CSMD3: variants seen among roughly 807,000 people sequenced by gnomAD.
The protein encoded by CSMD3 is CUB and Sushi multiple domains 3, also known as CUB and sushi domain-containing protein 3.
Under a neutral mutation model 435.2 loss-of-function variants are expected in CSMD3, and 177 were observed. The ratio of observed to expected loss-of-function variants is 0.41; its 90% CI spans 0.36 to 0.46. CSMD3 has a LOEUF of 0.46. Ranked by LOEUF, CSMD3 falls within the 20% of genes least tolerant of loss-of-function variation. The pLI is 0.34. For missense variants in CSMD3, 4,265 were observed against 4,504.6 expected, an observed-to-expected ratio of 0.95 and a Z score of 1.52; for synonymous variants, 1,656 against 1,520.5, an observed-to-expected ratio of 1.09 and a Z score of -2.07.
intron 50 of CSMD3, among the ~76,000 whole-genome samples, chr8:112,308,006 T>C (rs986483723): frequency 2.6e-4 from 39 of 152,302 alleles, no homozygotes; most frequent in Non-Finnish European, 4.1e-4. Flanking sequence ...TTTACAAAAC[T>C]GTCAAAACTG....
At chr8:112,605,524 G>C (rs1832721033) in intron 22 of CSMD3, among the ~76,000 whole-genome samples, 1 of 151,566 alleles carries the variant, frequency 6.6e-6, no homozygotes. Context: ...ATTAATGCAG[G>C]AACAGAAAGC....
At chr8:113,283,542 C>G (rs2093626571) in intron 2 of CSMD3, among the ~76,000 whole-genome samples, 1 of 152,136 alleles carries the variant, frequency 6.6e-6, no homozygotes, top group Admixed American at 6.6e-5. Context: ...CCACCTTACT[C>G]CTGCAAGAAT....
intron 27 of CSMD3, among the ~76,000 whole-genome samples, chr8:112,518,728 G>A (rs969123114): frequency 6.6e-6 from 1 of 151,354 alleles, no homozygotes; most frequent in Admixed American, 6.6e-5. Context: ...TTGATATATT[G>A]TATTAGTCTG....
intron 10 of CSMD3, among the ~76,000 whole-genome samples, chr8:112,876,991 G>C (rs2130133424): frequency 6.6e-6 from 1 of 152,236 alleles, no homozygotes; most frequent in East Asian, 1.9e-4. Flanking sequence ...CAAATCATAA[G>C]TGAACTCCCA....
chr8:113,389,734 T>A (rs959810525), intron 1 of CSMD3, among the ~76,000 whole-genome samples: 1 of 151,728 alleles, frequency 6.6e-6, no homozygotes, highest in African/African-American at 2.4e-5. Context: ...ATTTAAGACC[T>A]AGAGTGACAA....
At chr8:113,031,422 C>T (rs1307224294) in intron 5 of CSMD3, among the ~76,000 whole-genome samples, 1 of 151,486 alleles carries the variant, frequency 6.6e-6, no homozygotes, top group Non-Finnish European at 1.5e-5. Flanking sequence ...TCAAAAGTTA[C>T]AGATTATGTA....
At chr8:113,225,483 A>G (rs967567162) in intron 3 of CSMD3, among the ~76,000 whole-genome samples, 1 of 151,574 alleles carries the variant, frequency 6.6e-6, no homozygotes, top group African/African-American at 2.4e-5. Context: ...GGAAGCCATT[A>G]TCCTTAGCAA....
At chr8:112,892,722 G>A (rs191643957) in intron 10 of CSMD3, among the ~76,000 whole-genome samples, 2 of 151,576 alleles carry the variant, frequency 1.3e-5, no homozygotes, top group Admixed American at 6.6e-5. Flanking sequence ...GCATCTCAGA[G>A]AGGACTTCCC....
chr8:112,351,672 C>A (rs1826149603), intron 39 of CSMD3, among the ~76,000 whole-genome samples: 1 of 151,814 alleles, frequency 6.6e-6, no homozygotes, highest in African/African-American at 2.4e-5. Context: ...AGTATATTAA[C>A]TTTTATATTG....
chr8:113,162,024 G>A (rs894033822), intron 4 of CSMD3, among the ~76,000 whole-genome samples: 1 of 151,984 alleles, frequency 6.6e-6, no homozygotes, highest in African/African-American at 2.4e-5. Flanking sequence ...GGTCAAGAAA[G>A]TGTTTTATGA....
chr8:113,377,262 C>T (rs2094391947), intron 1 of CSMD3: 1 of 362,164 alleles, frequency 2.8e-6, no homozygotes, highest in Non-Finnish European at 4.2e-6. Flanking sequence ...TGGAGCCTAC[C>T]CTCTTATTAA....
intron 42 of CSMD3, 85 bp downstream of exon 42, chr8:112,341,392 T>A: frequency 1.4e-5 from 12 of 888,704 alleles, no homozygotes; most frequent in Non-Finnish European, 1.8e-5. Flanking sequence ...TAAAACAGAA[T>A]ACAGAAAATA....
At chr8:112,817,736 A>G (rs957845556) in intron 12 of CSMD3, among the ~76,000 whole-genome samples, 4 of 152,092 alleles carry the variant, frequency 2.6e-5, no homozygotes, top group Non-Finnish European at 5.9e-5. Flanking sequence ...AACAAATGAC[A>G]GATGCAATAA....
chr8:112,961,062 T>C (rs971725885), intron 7 of CSMD3, among the ~76,000 whole-genome samples: 9 of 151,918 alleles, frequency 5.9e-5, no homozygotes, highest in Admixed American at 3.9e-4. Context: ...ACAATTTTAC[T>C]ATTGTGCTTA....
chr8:112,234,098 T>C lies in CSMD3; in HGVS notation c.10740+267A>G, dbSNP rs191637296. Among the ~76,000 whole-genome samples, 501 of 148,892 alleles carry C rather than the reference T, an allele frequency of 3.4e-3. 4 individuals are homozygous for C. The highest frequency in any genetic ancestry group is 0.012 in the African/African-American group (486 of 40,796). ...GCAGATCAGCACACACACACACACA[T>C]ACACACACCCACATCCACCCATACC... On this transcript the variant is annotated intron_variant, in intron 68 of 70. Coordinates refer to ENST00000297405, the MANE Select transcript of CSMD3 (RefSeq NM_198123.2).
chr8:112,487,482 G>T (rs1192905372), intron 31 of CSMD3, among the ~76,000 whole-genome samples: 1 of 152,156 alleles, frequency 6.6e-6, no homozygotes, highest in African/African-American at 2.4e-5. Flanking sequence ...ACAATAAAGA[G>T]GTCAGGGTGT....
chr8:112,333,259 C>T (rs1586796097), intron 45 of CSMD3, among the ~76,000 whole-genome samples: 1 of 152,164 alleles, frequency 6.6e-6, no homozygotes, highest in Non-Finnish European at 1.5e-5. Flanking sequence ...CCTCTGCCTC[C>T]GGGGTTCAAG....
Position 112,383,661 on chromosome 8 carries a change from C to T in CSMD3, c.5937G>A (p.Val1979=). The T allele has an allele frequency of 1.3e-6, 2 of 1,579,988 alleles. No homozygotes were observed. Among genetic ancestry groups the T allele is most frequent in the Non-Finnish European group, 1.7e-6 (2 of 1,149,064 alleles). ...GTTCTGTAGCAAAGCTAACAACTTG[C>T]ACCTGTGAAATAATAATTACAGGTA... ...ITVPEGAGIQ[V]QVVSFATEHN... is the part of the protein sequence containing the mutation. Residue 1979 remains valine (V), a splice_region_variant and synonymous_variant, in exon 37 of 71, where the codon GTG becomes GTA. Coordinates refer to ENST00000297405, the MANE Select transcript of CSMD3 (RefSeq NM_198123.2).
At chr8:112,632,377 C>A (rs2074539928) in intron 22 of CSMD3, among the ~76,000 whole-genome samples, 1 of 151,714 alleles carries the variant, frequency 6.6e-6, no homozygotes, top group Admixed American at 6.6e-5. Context: ...TGTTACTTGT[C>A]CAAGGTCAAA....
Sources: gnomAD v4.1 joint callset for allele counts (sites outside exome capture counted in the v4.1 genomes callset) on GRCh38, gnomAD v4.1.1 for gene constraint, MANE v1.5 for transcripts, NCBI Gene and HGNC (gene_info 2026-07-23, HGNC 2026-07-21) for gene names.